SCAI: variants seen among roughly 807,000 people sequenced by gnomAD.
SCAI encodes the protein suppressor of cancer cell invasion.
SCAI carries 24 observed loss-of-function variants against 92.2 expected under a neutral mutation model. The observed-to-expected ratio is 0.26, with a 90% CI of 0.19 to 0.37. The LOEUF (loss-of-function observed/expected upper bound fraction) is 0.37. SCAI is among the 10% of genes least tolerant of loss of function. The pLI is 1.00. For missense variants in SCAI, 450 were observed against 736.2 expected (o/e 0.61, Z 4.50); for synonymous variants, 261 against 258.6 (o/e 1.01, Z -0.09).
At chr9:125,135,347 C>T (rs1056822801) in intron 2 of SCAI, among the ~76,000 whole-genome samples, 7 of 152,254 alleles carry the variant, frequency 4.6e-5, no homozygotes, top group Admixed American at 1.3e-4. Context: ...CATCAATATC[C>T]TAAAATAAAA....
intron 14 of SCAI, among the ~76,000 whole-genome samples, chr9:124,985,932 A>C (rs1339759012): frequency 6.6e-6 from 1 of 152,130 alleles, no homozygotes; most frequent in African/African-American, 2.4e-5. Flanking sequence ...CAGACAACAA[A>C]TAATAAGTAT....
At chr9:125,118,233 C>T (rs552896445) in intron 2 of SCAI, among the ~76,000 whole-genome samples, 2 of 152,228 alleles carry the variant, frequency 1.3e-5, no homozygotes, top group South Asian at 4.1e-4. Context: ...CATGGTGGCT[C>T]ACTTCTGTAA....
At chr9:124,996,308 T>C (rs2131623396) in intron 13 of SCAI, among the ~76,000 whole-genome samples, 1 of 152,202 alleles carries the variant, frequency 6.6e-6, no homozygotes, top group South Asian at 2.1e-4. Flanking sequence ...ATTTTTGTTA[T>C]TGTTGTTGTT....
chr9:125,112,416 G>T (rs1834950715), intron 2 of SCAI, among the ~76,000 whole-genome samples: 1 of 152,114 alleles, frequency 6.6e-6, no homozygotes, highest in South Asian at 2.1e-4. Flanking sequence ...GAACAGGACT[G>T]ACATTAACAT....
intron 2 of SCAI, among the ~76,000 whole-genome samples, chr9:125,103,041 A>G (rs1834710199): frequency 6.6e-6 from 1 of 152,074 alleles, no homozygotes; most frequent in African/African-American, 2.4e-5. Flanking sequence ...GTCTAGGTCT[A>G]CAGTCATTTT....
chr9:124,954,931 C>G (rs1306905210), intron 17 of SCAI, among the ~76,000 whole-genome samples: 1 of 151,694 alleles, frequency 6.6e-6, no homozygotes, highest in Non-Finnish European at 1.5e-5. Flanking sequence ...ACTGGGAGGC[C>G]AAAGCAGGCG....
rs374731175 is a variant in SCAI at position 124,994,742 on chromosome 9, G to A, written c.1326+192C>T. Among the ~76,000 whole-genome samples the A allele has an allele frequency of 1.1e-4, 16 of 152,092 alleles. No homozygotes were observed. In the South Asian group the frequency reaches 2.1e-3, roughly 20 times the overall value. ...TTTTCCACTGAGTGTCCATTCATGC[G>A]TTTTCTTCTTGTTTCTATTCATAGC... On this transcript the variant is annotated intron_variant, in intron 14 of 17. Transcript: ENST00000336505.
chr9:125,097,848 A>C (rs1834591464), intron 2 of SCAI, among the ~76,000 whole-genome samples: 1 of 151,734 alleles, frequency 6.6e-6, no homozygotes, highest in Admixed American at 6.6e-5. Flanking sequence ...ATAGCAATGG[A>C]AACTTCAATA....
intron 3 of SCAI, among the ~76,000 whole-genome samples, chr9:125,049,122 A>G (rs944378110): frequency 6.8e-6 from 1 of 147,360 alleles, no homozygotes; most frequent in African/African-American, 2.4e-5. Flanking sequence ...GGCACCTCCC[A>G]ATTAAAAATA....
At chr9:125,006,704 C>G (rs1404491988) in intron 9 of SCAI, among the ~76,000 whole-genome samples, 1 of 151,344 alleles carries the variant, frequency 6.6e-6, no homozygotes, top group African/African-American at 2.4e-5. Context: ...ATTGGTCAGG[C>G]TGGTATTGAA....
intron 3 of SCAI, among the ~76,000 whole-genome samples, chr9:125,047,375 G>A (rs1423477081): frequency 1.3e-5 from 2 of 152,080 alleles, no homozygotes; most frequent in Non-Finnish European, 2.9e-5. Flanking sequence ...TTGGACTTCC[G>A]GCCTCCAGAA....
At chr9:124,995,450 T>C (rs541878031) in intron 13 of SCAI, among the ~76,000 whole-genome samples, 1 of 152,338 alleles carries the variant, frequency 6.6e-6, no homozygotes, top group Non-Finnish European at 1.5e-5. Flanking sequence ...TACATCTTAA[T>C]ACTGCAGGTA....
At chr9:125,083,538 A>G (rs1328152125) in intron 2 of SCAI, among the ~76,000 whole-genome samples, 1 of 150,806 alleles carries the variant, frequency 6.6e-6, no homozygotes, top group African/African-American at 2.4e-5. Context: ...AAAAAAAAAA[A>G]AGATGTGACT....
At chr9:125,135,469 T>C (rs1331141021) in intron 2 of SCAI, among the ~76,000 whole-genome samples, 1 of 151,378 alleles carries the variant, frequency 6.6e-6, no homozygotes, top group Admixed American at 6.6e-5. Context: ...CTAGCCACCA[T>C]GGGGAAACCC....
Position 124,952,552 on chromosome 9 carries a change from G to A in SCAI, c.*255C>T, listed in dbSNP as rs909916918. ...TGACTATTTGAGTGTAGGATTAGAA[G>A]TTGGAGGTAAATATCCATCCCTCAA... On this transcript the variant is annotated 3_prime_UTR_variant, in exon 18 of 18. Transcript: ENST00000336505. The A allele has an allele frequency of 2.9e-6, 1 of 348,644 alleles. No individual in the cohort carries two copies. Among genetic ancestry groups the A allele is most frequent in the Middle Eastern group, 7.8e-4 (1 of 1,274 alleles). The allele number at this position is 348,644 out of a possible 1,614,324, so 21.6% of individuals were successfully genotyped here. A position where few individuals can be genotyped will look rare whatever the true frequency, so the allele number is the denominator to read the frequency against.
At chr9:124,970,593 G>A (rs1319614129) in intron 17 of SCAI, among the ~76,000 whole-genome samples, 1 of 151,670 alleles carries the variant, frequency 6.6e-6, no homozygotes, top group African/African-American at 2.4e-5. Context: ...GGTGGTGGGC[G>A]CCTATAATCC....
intron 9 of SCAI, 55 bp from the exon 10 acceptor site, chr9:125,003,625 T>C: frequency 9.2e-7 from 1 of 1,084,612 alleles, no homozygotes. Context: ...ACGCAGACTT[T>C]AAAGACTTTT....
intron 13 of SCAI, among the ~76,000 whole-genome samples, chr9:124,998,640 G>GT (rs1564371904): frequency 1.3e-5 from 2 of 151,642 alleles, no homozygotes; most frequent in South Asian, 2.1e-4. Flanking sequence ...TCTCTTTTTT[G>GT]TTTTTTTGAC....
intron 15 of SCAI, among the ~76,000 whole-genome samples, chr9:124,972,521 AC>A (rs1454051984): frequency 6.6e-6 from 1 of 152,120 alleles, no homozygotes; most frequent in Non-Finnish European, 1.5e-5. Flanking sequence ...CACTAATTTC[AC>A]CTGTTTCTTT....
Sources: gnomAD v4.1 joint callset for allele counts (sites outside exome capture counted in the v4.1 genomes callset) on GRCh38, gnomAD v4.1.1 for gene constraint, MANE v1.5 for transcripts, NCBI Gene and HGNC (gene_info 2026-07-23, HGNC 2026-07-21) for gene names.